Variants in MIPOL1 observed in about 807,000 individuals in gnomAD.
MIPOL1 encodes mirror-image polydactyly 1, also known as mirror-image polydactyly gene 1 protein.
In MIPOL1, 57 loss-of-function variants were observed where a neutral mutation model predicts 60.9. The observed-to-expected ratio is 0.94, with a 90% confidence interval of 0.76 to 1.17. MIPOL1 has a LOEUF of 1.17. Ranked by LOEUF, MIPOL1 falls within the 50% of genes most tolerant of loss-of-function variation. The pLI is 0.00. For missense variants in MIPOL1, 551 were observed against 511.6 expected, an observed-to-expected ratio of 1.08 and a Z score of -0.74; for synonymous variants, 179 against 168.8, an observed-to-expected ratio of 1.06 and a Z score of -0.47.
At chr14:37,413,193 CAAG>C (rs1356756846) in intron 10 of MIPOL1, among the ~76,000 whole-genome samples, 3 of 151,912 alleles carry the variant, frequency 2.0e-5, no homozygotes, top group Non-Finnish European at 4.4e-5. Context: ...TTACAACTCT[CAAG>C]GAGCTCATAG....
At chr14:37,455,984 G>T (rs1383064702) in intron 11 of MIPOL1, among the ~76,000 whole-genome samples, 1 of 151,820 alleles carries the variant, frequency 6.6e-6, no homozygotes, top group Non-Finnish European at 1.5e-5. Flanking sequence ...TTAATTATTT[G>T]TTATATTCTG....
At chr14:37,393,220 T>C (rs755963084) in intron 10 of MIPOL1, among the ~76,000 whole-genome samples, 2 of 151,976 alleles carry the variant, frequency 1.3e-5, no homozygotes, top group Non-Finnish European at 2.9e-5. Flanking sequence ...ACACCTTGAT[T>C]TTGAACTTCT....
intron 6 of MIPOL1, among the ~76,000 whole-genome samples, chr14:37,284,076 A>G (rs1451511029): frequency 2.0e-5 from 3 of 152,162 alleles, no homozygotes; most frequent in Non-Finnish European, 2.9e-5. Context: ...CAATAAAATT[A>G]TGCCTAAGAA....
intron 9 of MIPOL1, among the ~76,000 whole-genome samples, chr14:37,328,366 C>G (rs1408716436): frequency 6.6e-6 from 1 of 152,024 alleles, no homozygotes; most frequent in Non-Finnish European, 1.5e-5. Context: ...GTCAGTAGTT[C>G]ACAGTGTCAC....
intron 11 of MIPOL1, among the ~76,000 whole-genome samples, chr14:37,486,396 C>T (rs1361167604): frequency 6.6e-6 from 1 of 151,756 alleles, no homozygotes; most frequent in African/African-American, 2.4e-5. Context: ...TTGATAGGAG[C>T]ATTGAATCTG....
chr14:37,545,814 G>T, intron 12 of MIPOL1: 1 of 475,294 alleles, frequency 2.1e-6, no homozygotes, highest in Non-Finnish European at 3.8e-6. Flanking sequence ...TCAGTGTCTA[G>T]CTCTGTGCTG....
chr14:37,319,904 T>C (rs901275036), intron 9 of MIPOL1, among the ~76,000 whole-genome samples: 2 of 152,112 alleles, frequency 1.3e-5, no homozygotes, highest in Non-Finnish European at 2.9e-5. Flanking sequence ...TCATATGTTA[T>C]ATACTCCTTG....
At chr14:37,405,132 C>T (rs149159315) in intron 10 of MIPOL1, among the ~76,000 whole-genome samples, 1 of 152,222 alleles carries the variant, frequency 6.6e-6, no homozygotes, top group Non-Finnish European at 1.5e-5. Context: ...TCTTTGCTAA[C>T]TTGCAAGATA....
At chr14:37,335,255 G>A (rs905657013) in intron 9 of MIPOL1, among the ~76,000 whole-genome samples, 1 of 151,900 alleles carries the variant, frequency 6.6e-6, no homozygotes, top group Non-Finnish European at 1.5e-5. Flanking sequence ...TTTAAAAATT[G>A]TGGTAAATAT....
At chr14:37,270,353 A>G in intron 5 of MIPOL1, 67 bp from the exon 6 acceptor site, 1 of 793,878 alleles carries the variant, frequency 1.3e-6, no homozygotes, top group East Asian at 3.1e-5. Flanking sequence ...AAAAACTTTG[A>G]AATTAATTAT....
intron 7 of MIPOL1, among the ~76,000 whole-genome samples, chr14:37,304,896 A>G (rs2086655189): frequency 6.6e-6 from 1 of 151,766 alleles, no homozygotes; most frequent in African/African-American, 2.4e-5. Flanking sequence ...AAAGTTTACA[A>G]AAGGTTGAAA....
chr14:37,410,307 T>C (rs949936594), intron 10 of MIPOL1, among the ~76,000 whole-genome samples: 5 of 152,112 alleles, frequency 3.3e-5, no homozygotes, highest in South Asian at 2.1e-4. Flanking sequence ...TGTATAGATA[T>C]GTAACAAACC....
chr14:37,381,701 G>A (rs764329744), intron 10 of MIPOL1, among the ~76,000 whole-genome samples: 3 of 151,168 alleles, frequency 2.0e-5, no homozygotes, highest in Admixed American at 6.6e-5. Flanking sequence ...TCCCACCTCA[G>A]CCTCCTAAGC....
At chr14:37,463,925 AC>A (rs1230945804) in intron 11 of MIPOL1, among the ~76,000 whole-genome samples, 3 of 152,128 alleles carry the variant, frequency 2.0e-5, no homozygotes, top group African/African-American at 7.2e-5. Flanking sequence ...AACAAAAACA[AC>A]CCAATTAAAA....
intron 12 of MIPOL1, among the ~76,000 whole-genome samples, chr14:37,529,413 T>C (rs1483150574): frequency 6.6e-6 from 1 of 152,178 alleles, no homozygotes; most frequent in African/African-American, 2.4e-5. Context: ...TTTGAGTTGT[T>C]TCCTAATACT....
intron 12 of MIPOL1, among the ~76,000 whole-genome samples, chr14:37,524,692 G>A (rs1177952030): frequency 2.0e-5 from 3 of 147,926 alleles, no homozygotes; most frequent in South Asian, 2.1e-4. Flanking sequence ...TCAGCCTCCC[G>A]AGTAGCTGGG....
intron 11 of MIPOL1, among the ~76,000 whole-genome samples, chr14:37,487,287 T>A (rs1440359404): frequency 6.6e-6 from 1 of 152,218 alleles, no homozygotes. Flanking sequence ...GATATTTGCC[T>A]GAAATTTTCT....
chr14:37,265,387 C>T (rs540070192), intron 3 of MIPOL1: 1 of 152,274 alleles, frequency 6.6e-6, no homozygotes, highest in African/African-American at 2.4e-5. Context: ...GCCATCCTCA[C>T]TGTACTAGAG....
intron 9 of MIPOL1, among the ~76,000 whole-genome samples, chr14:37,326,432 T>C (rs534328346): frequency 6.6e-6 from 1 of 152,216 alleles, no homozygotes; most frequent in South Asian, 2.1e-4. Context: ...GGCAGAAGCA[T>C]TGTGTGTAGG....
Sources: allele counts gnomAD v4.1 joint callset (sites outside exome capture counted in the v4.1 genomes callset), GRCh38; gene constraint gnomAD v4.1.1; transcripts MANE v1.5; gene names NCBI Gene and HGNC (gene_info 2026-07-23, HGNC 2026-07-21).